The following SLC26A4 variants were observed in gnomAD, a reference collection of about 807,000 sequenced individuals.
SLC26A4 encodes pendrin.
A neutral mutation model predicts 90.4 loss-of-function variants in SLC26A4; 93 were observed. That is an observed-to-expected ratio of 1.03 (90% confidence interval 0.87 to 1.22). The LOEUF is 1.22. SLC26A4 is among the 50% of genes most tolerant of loss of function. The pLI, the probability that SLC26A4 is intolerant of heterozygous loss-of-function variation, is 0.00. For missense variants in SLC26A4, 1,127 were observed against 946.2 expected (o/e 1.19, Z -2.51); for synonymous variants, 393 against 354.6 (o/e 1.11, Z -1.22).
chr7:107,707,634 C>A (rs561325377), intron 18 of SLC26A4, among the ~76,000 whole-genome samples: 12 of 152,272 alleles, frequency 7.9e-5, no homozygotes, highest in African/African-American at 2.4e-4. Flanking sequence ...GCATTTATAC[C>A]AAGACCTATC....
At chr7:107,678,268 G>A (rs1269418839) in intron 6 of SLC26A4, among the ~76,000 whole-genome samples, 1 of 152,042 alleles carries the variant, frequency 6.6e-6, no homozygotes, top group Non-Finnish European at 1.5e-5. Context: ...CTTACCATGT[G>A]CCAGGCACTG....
intron 8 of SLC26A4, among the ~76,000 whole-genome samples, chr7:107,686,398 C>T (rs1018552837): frequency 6.6e-5 from 6 of 90,948 alleles, no homozygotes; most frequent in Non-Finnish European, 1.4e-4. Context: ...TCCTTCCTCT[C>T]TCTCTTTTTT....
At position 107,700,121 on chromosome 7, in the gene SLC26A4, C is replaced by T. The variant is rs1201397035; in HGVS notation, c.1653C>T (p.Ser551=). The change falls in exon 15 of 21, where the codon TCC becomes TCT. Residue 551 remains serine (S), a synonymous_variant. Coordinates refer to ENST00000644269, the MANE Select transcript of SLC26A4 (RefSeq NM_000441.2). ...EPQGVKILRF[S]SPIFYGNVDG... is the part of the protein sequence containing the mutation. ...AAGGAGTGAAGATTCTTAGATTTTC[C>T]AGTCCTATTTTCTATGGCAATGTCG... 1 of 1,592,102 alleles carries T rather than the reference C, an allele frequency of 6.3e-7. No homozygotes were observed. Among genetic ancestry groups the T allele is most frequent in the East Asian group, 2.2e-5 (1 of 44,756 alleles).
In SLC26A4 at chr7:107,701,983, C is replaced by T. The variant is rs1584337193; in HGVS notation, c.1960C>T (p.Pro654Ser). ...AGTCAAAGTGAACGTTCCCAAAGTGCCAATCCATAGCCTTGTGCTTGACTG... is the reference window on the plus strand; with the variant it reads ...AGTCAAAGTGAACGTTCCCAAAGTGTCAATCCATAGCCTTGTGCTTGACTG... ...LPVKVNVPKV[P>S]IHSLVLDCGA... is the part of the protein sequence containing the mutation. The change falls in exon 17 of 21, where the codon CCA (proline) becomes TCA (serine). Residue 654 changes from proline to serine, a missense_variant. By Grantham distance (74) the Pro-to-Ser change is moderately conservative. Transcript: ENST00000644269. 1.2e-6 allele frequency: 2 copies of T among 1,613,980 alleles called. No homozygotes were observed. The highest frequency in any genetic ancestry group is 2.2e-5 in the East Asian group (1 of 44,878).
chr7:107,716,227 CTT>C lies in SLC26A4; in HGVS notation c.*782_*783del, dbSNP rs985758768. The C allele has an allele frequency of 1.3e-5, 2 of 152,116 alleles. No homozygotes were observed. The highest frequency in any genetic ancestry group is 4.8e-5 in the African/African-American group (2 of 41,406). The allele number at this position is 152,116 out of a possible 1,614,324, so 9.4% of individuals were successfully genotyped here. On this transcript the variant is annotated 3_prime_UTR_variant, in exon 21 of 21. Transcript: ENST00000644269. ...TGTTTAAAAATGCAGTTTTAATTAT[CTT>C]AGTCTATAGAAATGATCATTGCATG...
At chr7:107,668,822 G>A (rs534179045) in intron 3 of SLC26A4, among the ~76,000 whole-genome samples, 11 of 152,228 alleles carry the variant, frequency 7.2e-5, no homozygotes, top group Non-Finnish European at 1.3e-4. Context: ...ATGGTGGAAG[G>A]CTTTACCTTT....
Position 107,696,012 on chromosome 7 carries a change from T to C in SLC26A4, c.1517T>C (p.Leu506Pro). The change falls in exon 13 of 21, where the codon CTG becomes CCG. Residue 506 changes from leucine (L) to proline (P), a missense_variant. Coordinates refer to ENST00000644269, the MANE Select transcript of SLC26A4 (RefSeq NM_000441.2). Reference protein sequence around the residue: ...LGLLAGLIFGLLTVVLRVQFP... With the variant: ...LGLLAGLIFGPLTVVLRVQFP... ...TTACTAGCTGGCCTTATATTTGGAC[T>C]GTTGACTGTGGTCCTGAGAGTTCAG... 6.2e-7 allele frequency: 1 copy of C among 1,609,616 alleles called. No homozygotes were observed.
intron 9 of SLC26A4, among the ~76,000 whole-genome samples, chr7:107,689,786 G>A (rs936175206): frequency 6.6e-6 from 1 of 152,174 alleles, no homozygotes; most frequent in Non-Finnish European, 1.5e-5. Context: ...GTCATAATAT[G>A]CTTCATAGTG....
At chr7:107,685,571 T>C (rs1043033307) in intron 8 of SLC26A4, among the ~76,000 whole-genome samples, 4 of 152,160 alleles carry the variant, frequency 2.6e-5, no homozygotes, top group African/African-American at 7.2e-5. Flanking sequence ...TAGTCCCCAA[T>C]AACAATGCCC....
At chr7:107,671,490 T>C (rs985101049) in intron 3 of SLC26A4, among the ~76,000 whole-genome samples, 2 of 152,224 alleles carry the variant, frequency 1.3e-5, no homozygotes, top group African/African-American at 4.8e-5. Flanking sequence ...GACTTGATTG[T>C]TTTTTCCCAC....
chr7:107,686,964 C>A (rs1249784573), intron 8 of SLC26A4, among the ~76,000 whole-genome samples: 1 of 152,110 alleles, frequency 6.6e-6, no homozygotes, highest in Non-Finnish European at 1.5e-5. Context: ...GGTTTTTTTC[C>A]TGGCTGCTTT....
At chr7:107,663,121 T>C (rs1048349290) in intron 2 of SLC26A4, among the ~76,000 whole-genome samples, 175 bp from the exon 3 acceptor site, 1 of 152,202 alleles carries the variant, frequency 6.6e-6, no homozygotes, top group Non-Finnish European at 1.5e-5. Context: ...AAAGGATAGA[T>C]ACAGTTCTTG....
chr7:107,695,930 T>C lies in SLC26A4; in HGVS notation c.1438-3T>C. On this transcript the variant is annotated splice_polypyrimidine_tract_variant and splice_region_variant and intron_variant, in intron 12 of 20. Coordinates refer to ENST00000644269, the MANE Select transcript of SLC26A4 (RefSeq NM_000441.2). ...TTCTTTTCATTTCTATTTTTTTCCC[T>C]AGGTTATCTGGGTGTTTACGTGTAT... The C allele has an allele frequency of 6.6e-7, 1 of 1,513,412 alleles. No individual in the cohort carries two copies. The highest frequency in any genetic ancestry group is 9.2e-7 in the Non-Finnish European group (1 of 1,088,474). The allele number at this position is 1,513,412 out of a possible 1,614,324, so 93.7% of individuals were successfully genotyped here.
intron 6 of SLC26A4, among the ~76,000 whole-genome samples, chr7:107,680,782 T>C (rs1791209682): frequency 1.3e-5 from 2 of 152,210 alleles, no homozygotes; most frequent in Non-Finnish European, 2.9e-5. Flanking sequence ...CCTGTAGTGA[T>C]TATTTTTGTA....
At chr7:107,698,473 C>T (rs369866949) in intron 14 of SLC26A4, among the ~76,000 whole-genome samples, 26 of 152,044 alleles carry the variant, frequency 1.7e-4, no homozygotes, top group African/African-American at 5.6e-4. Context: ...GGTGCCACCA[C>T]GCCTGGCTAA....
intron 20 of SLC26A4, 93 bp downstream of exon 20, chr7:107,712,715 A>G: frequency 1.3e-6 from 1 of 771,338 alleles, no homozygotes; most frequent in Non-Finnish European, 2.3e-6. Flanking sequence ...AAGAACTGTC[A>G]GGGAACATAA....
At chr7:107,671,997 TAAAG>T in intron 3 of SLC26A4, 137 bp from the exon 4 acceptor site, 1 of 682,536 alleles carries the variant, frequency 1.5e-6, no homozygotes, top group Admixed American at 2.1e-5. Context: ...TATGGTTACT[TAAAG>T]TATGGTTTCT....
chr7:107,672,402 A>G (rs1790896839), intron 4 of SLC26A4, among the ~76,000 whole-genome samples, 154 bp downstream of exon 4: 1 of 149,616 alleles, frequency 6.7e-6, no homozygotes, highest in African/African-American at 2.4e-5. Context: ...CTTTTGCACC[A>G]ACCTAATATA....
At chr7:107,705,891 T>C (rs1039506430) in intron 18 of SLC26A4, among the ~76,000 whole-genome samples, 2 of 152,222 alleles carry the variant, frequency 1.3e-5, no homozygotes, top group African/African-American at 2.4e-5. Context: ...TGGCGAACTC[T>C]CTATGTGGCC....
Sources: allele counts gnomAD v4.1 joint callset (sites outside exome capture counted in the v4.1 genomes callset), GRCh38; gene constraint gnomAD v4.1.1; transcripts MANE v1.5; gene names NCBI Gene and HGNC (gene_info 2026-07-23, HGNC 2026-07-21).